The following TAFA5 variants were observed in gnomAD, a reference collection of about 807,000 sequenced individuals.
TAFA5 encodes the protein TAFA chemokine like family member 5.
In TAFA5, 6 loss-of-function variants were observed where a neutral mutation model predicts 15.3. The ratio of observed to expected loss-of-function variants is 0.39; its 90% CI spans 0.21 to 0.77. The LOEUF (loss-of-function observed/expected upper bound fraction) is 0.77. TAFA5 is among the 30% of genes least tolerant of loss of function. TAFA5 has a pLI of 0.41. For synonymous variants in TAFA5, 103 were observed against 80.7 expected (o/e 1.28, Z -1.48); for missense variants, 161 against 193.1 (o/e 0.83, Z 0.98).
At chr22:48,675,510 A>C (rs982140692) in intron 2 of TAFA5, among the ~76,000 whole-genome samples, 1 of 152,248 alleles carries the variant, frequency 6.6e-6, no homozygotes, top group East Asian at 1.9e-4. Flanking sequence ...GGGCAGCAAA[A>C]GGGGAAATAG....
intron 1 of TAFA5, among the ~76,000 whole-genome samples, chr22:48,594,420 C>T (rs1041471209): frequency 2.0e-5 from 3 of 152,188 alleles, no homozygotes; most frequent in Admixed American, 6.5e-5. Flanking sequence ...CACACACACA[C>T]GAGTGTGCAC....
chr22:48,745,082 A>G (rs1442862728), intron 3 of TAFA5, among the ~76,000 whole-genome samples: 1 of 152,086 alleles, frequency 6.6e-6, no homozygotes, highest in South Asian at 2.1e-4. Flanking sequence ...CATCCCTGGG[A>G]CCATTAGCCT....
rs1246487369 is a variant in TAFA5, at chr22:48,509,081, ACTTGTTTCAC to A, written c.112+19378_112+19387del. Among the ~76,000 whole-genome samples, 5 of 152,274 alleles carry A rather than the reference ACTTGTTTCAC, an allele frequency of 3.3e-5. No homozygotes were observed. The East Asian group carries it at 9.6e-4, about 29-fold the overall frequency. ...GGAGGTATTTATCTTTCTGTGCCTA[ACTTGTTTCAC>A]TTAACACAATGCCCTCCGGAGTCAT... is the stretch of plus-strand genomic sequence containing the variant. On this transcript the variant is annotated intron_variant, in intron 1 of 3. Coordinates refer to ENST00000402357, the MANE Select transcript of TAFA5 (RefSeq NM_001082967.3).
intron 1 of TAFA5, among the ~76,000 whole-genome samples, chr22:48,578,840 C>T (rs974536408): frequency 6.6e-6 from 1 of 152,068 alleles, no homozygotes; most frequent in Non-Finnish European, 1.5e-5. Context: ...GCCTGGGGGA[C>T]CAGCAGTGAG....
rs1465700577 is a variant in TAFA5, at chr22:48,507,198, C to T, written c.112+17494C>T. Among the ~76,000 whole-genome samples the T allele has an allele frequency of 6.1e-3, 696 of 114,964 alleles. 10 individuals are homozygous for T. The highest frequency in any genetic ancestry group is 8.8e-3 in the Admixed American group (110 of 12,556). The allele number at this position is 114,964 out of a possible 152,430, so 75.4% of individuals were successfully genotyped here. A position where few individuals can be genotyped will look rare whatever the true frequency, so the allele number is the denominator to read the frequency against. On this transcript the variant is annotated intron_variant, in intron 1 of 3. Coordinates refer to ENST00000402357, the MANE Select transcript of TAFA5 (RefSeq NM_001082967.3). ...GTGTAGTTGGAGAAGGAGACGGCCG[C>T]CAAGGGCCAGGTGTGCAGTTGGAGG...
intron 1 of TAFA5, among the ~76,000 whole-genome samples, chr22:48,567,552 G>A (rs376422056): frequency 1.3e-5 from 2 of 152,336 alleles, no homozygotes; most frequent in East Asian, 3.9e-4. Flanking sequence ...GGGGATTGGT[G>A]GGCATGGCTG....
At chr22:48,646,554 CTG>C (rs1926869583) in intron 1 of TAFA5, 41 bp from the exon 2 acceptor site, 3 of 1,601,958 alleles carry the variant, frequency 1.9e-6, no homozygotes, top group East Asian at 4.5e-5. Flanking sequence ...TGTGGGGTGT[CTG>C]TAACGTGTGG....
chr22:48,525,523 C>G (rs1377271188), intron 1 of TAFA5, among the ~76,000 whole-genome samples: 1 of 151,886 alleles, frequency 6.6e-6, no homozygotes, highest in African/African-American at 2.4e-5. Context: ...GGCTGAACCT[C>G]TGCCCAGGTG....
rs1335517717 is a variant in TAFA5, at chr22:48,492,684, A to G, written c.112+2980A>G. 2.0e-5 allele frequency among the ~76,000 whole-genome samples: 3 copies of G among 152,134 alleles called. No individual in the cohort carries two copies. In the East Asian group the frequency reaches 5.8e-4, roughly 29 times the overall value. On this transcript the variant is annotated intron_variant, in intron 1 of 3. Coordinates refer to ENST00000402357, the MANE Select transcript of TAFA5 (RefSeq NM_001082967.3). ...CGCAAACAGGGGAAAGGGGCCCTGG[A>G]TGGCTCACTTTAAAATGCATGCTCG...
chr22:48,620,943 C>G (rs2147181792), intron 1 of TAFA5, among the ~76,000 whole-genome samples: 1 of 137,244 alleles, frequency 7.3e-6, no homozygotes, highest in Non-Finnish European at 1.5e-5. Context: ...CCCCCACCCA[C>G]CCTATCTATC....
intron 1 of TAFA5, chr22:48,544,977 A>C (rs1305207693): frequency 2.3e-6 from 1 of 432,420 alleles, no homozygotes; most frequent in Non-Finnish European, 4.9e-6. Flanking sequence ...AGTGGGCAGC[A>C]GCCGCCTCTC....
intron 2 of TAFA5, among the ~76,000 whole-genome samples, chr22:48,685,955 CGCCCCGGG>C (rs1928340042): frequency 4.7e-4 from 63 of 133,514 alleles, no homozygotes; most frequent in African/African-American, 2.4e-3. Flanking sequence ...GCCCCACGTG[CGCCCCGGG>C]AGTACACGCA....
intron 1 of TAFA5, among the ~76,000 whole-genome samples, chr22:48,578,515 C>T (rs1164256568): frequency 2.6e-5 from 4 of 152,204 alleles, no homozygotes; most frequent in Non-Finnish European, 5.9e-5. Context: ...TCACAGAGAT[C>T]TCCATGTTTA....
At chr22:48,545,891 G>A (rs1301266724) in intron 1 of TAFA5, among the ~76,000 whole-genome samples, 1 of 152,172 alleles carries the variant, frequency 6.6e-6, no homozygotes, top group Non-Finnish European at 1.5e-5. Context: ...AGTGGGTGAA[G>A]GTGTGAGTGC....
chr22:48,626,309 C>T, intron 1 of TAFA5, among the ~76,000 whole-genome samples: 1 of 152,190 alleles, frequency 6.6e-6, no homozygotes, highest in Non-Finnish European at 1.5e-5. Flanking sequence ...CGGACCCCCG[C>T]CGGCCGTGAA....
chr22:48,631,206 G>A (rs73429938), intron 1 of TAFA5, among the ~76,000 whole-genome samples: 8,248 of 152,250 alleles, frequency 0.054, 707 homozygotes, highest in African/African-American at 0.19. Flanking sequence ...GGTGTGCTCC[G>A]GGGTCTTGGC....
intron 1 of TAFA5, among the ~76,000 whole-genome samples, chr22:48,643,277 C>T (rs1926748265): frequency 6.6e-6 from 1 of 152,176 alleles, no homozygotes; most frequent in Non-Finnish European, 1.5e-5. Context: ...CAGGAAGCTC[C>T]TGCAAGGCCC....
intron 2 of TAFA5, among the ~76,000 whole-genome samples, chr22:48,690,352 G>T (rs1177295858): frequency 5.9e-5 from 9 of 152,098 alleles, no homozygotes; most frequent in Non-Finnish European, 1.2e-4. Flanking sequence ...ATAGGCAGGT[G>T]TGAGGGCCGG....
chr22:48,732,369 G>A (rs1929891998), intron 3 of TAFA5, among the ~76,000 whole-genome samples: 1 of 152,166 alleles, frequency 6.6e-6, no homozygotes, highest in South Asian at 2.1e-4. Flanking sequence ...CCATTCTCCT[G>A]CCTCAGCCTC....
Sources: gnomAD v4.1 joint callset for allele counts (sites outside exome capture counted in the v4.1 genomes callset) on GRCh38, gnomAD v4.1.1 for gene constraint, MANE v1.5 for transcripts, NCBI Gene and HGNC (gene_info 2026-07-23, HGNC 2026-07-21) for gene names.